SLC25A52: variants seen among roughly 807,000 people sequenced by gnomAD.
SLC25A52 encodes the protein solute carrier family 25 member 52, also known as mitochondrial nicotinamide adenine dinucleotide transporter SLC25A52.
In SLC25A52, 12 loss-of-function variants were observed where a neutral mutation model predicts 17.7. The ratio of observed to expected loss-of-function variants is 0.68; its 90% CI spans 0.43 to 1.10. SLC25A52 has a LOEUF of 1.10. Among genes scored for constraint, SLC25A52 ranks in the 50% least tolerant of loss-of-function variants. SLC25A52 has a pLI of 0.00. For synonymous variants in SLC25A52, 108 were observed against 135.1 expected (o/e 0.80, Z 1.39); for missense variants, 298 against 364.9 (o/e 0.82, Z 1.49).
rs1598549532 is a variant in SLC25A52, at chr18:31,760,861, C to T, written c.-200G>A. Reference sequence around the variant, plus strand: ...CGTCCATTTCCCCAACCCATCGCCGCCGGCGCCCCGCAGGACTGCGAGCAA... The same window carrying T: ...CGTCCATTTCCCCAACCCATCGCCGTCGGCGCCCCGCAGGACTGCGAGCAA... On this transcript the variant is annotated 5_prime_UTR_variant, in exon 1 of 1. Transcript: ENST00000269205. 2.4e-6 allele frequency: 2 copies of T among 825,272 alleles called. No homozygotes were observed. The highest frequency in any genetic ancestry group is 5.5e-5 in the East Asian group (2 of 36,370). 51.1% of individuals were successfully genotyped at this position (825,272 alleles called of 1,614,324 possible).
Position 31,760,291 on chromosome 18 carries a change from G to A in SLC25A52, c.371C>T (p.Ala124Val). 5.6e-6 allele frequency: 9 copies of A among 1,614,000 alleles called. No homozygotes were observed. Among genetic ancestry groups the A allele is most frequent in the Non-Finnish European group, 7.6e-6 (9 of 1,179,896 alleles). The change falls in exon 1 of 1, where the codon GCG (alanine) becomes GTG (valine). Residue 124 changes from alanine to valine, a missense_variant. Coordinates refer to ENST00000269205, the MANE Select transcript of SLC25A52 (RefSeq NM_001034172.4). Reference sequence around the variant, plus strand: ...TTCTGCTGTCCCTGCAAGCACTGCCGCCACGCCATGGGTTGCAAACTCTGG... The same window carrying A: ...TTCTGCTGTCCCTGCAAGCACTGCCACCACGCCATGGGTTGCAAACTCTGG... ...RAPEFATHGV[A>V]AVLAGTAEAI...
Position 31,760,731 on chromosome 18 carries a change from G to C in SLC25A52, c.-70C>G. On this transcript the variant is annotated 5_prime_UTR_variant, in exon 1 of 1. Transcript: ENST00000269205. Reference sequence around the variant, plus strand: ...CATCATCTGAGCCTGGAGTTTGGCAGGATGATAGCTTTGTGATAATGTTCC... The same window carrying C: ...CATCATCTGAGCCTGGAGTTTGGCACGATGATAGCTTTGTGATAATGTTCC... 1 of 1,510,332 alleles carries C rather than the reference G, an allele frequency of 6.6e-7. No homozygotes were observed. Among genetic ancestry groups the C allele is most frequent in the Non-Finnish European group, 8.9e-7 (1 of 1,125,592 alleles). 93.6% of individuals were successfully genotyped at this position (1,510,332 alleles called of 1,614,324 possible).
In SLC25A52 at chr18:31,760,297, C is replaced by G; in HGVS notation, c.365G>C (p.Gly122Ala). 6.2e-7 allele frequency: 1 copy of G among 1,614,030 alleles called. No individual in the cohort carries two copies. Among genetic ancestry groups the G allele is most frequent in the Non-Finnish European group, 8.5e-7 (1 of 1,179,904 alleles). Residue 122 changes from glycine to alanine, a missense_variant, in exon 1 of 1, where the codon GGC becomes GCC. Gly to Ala is a moderately conservative substitution (Grantham distance 60). Coordinates refer to ENST00000269205, the MANE Select transcript of SLC25A52 (RefSeq NM_001034172.4). ...TGTCCCTGCAAGCACTGCCGCCACGCCATGGGTTGCAAACTCTGGAGCACG... is the reference window on the plus strand; with the variant it reads ...TGTCCCTGCAAGCACTGCCGCCACGGCATGGGTTGCAAACTCTGGAGCACG... ...HVRAPEFATH[G>A]VAAVLAGTAE...
rs117913815 is a variant in SLC25A52, at chr18:31,759,659, T to C, written c.*109A>G. The C allele has an allele frequency of 6.3e-3, 8,112 of 1,294,700 alleles. 40 individuals carry two copies. The highest frequency in any genetic ancestry group is 7.4e-3 in the Non-Finnish European group (7,015 of 944,690). The allele number at this position is 1,294,700 out of a possible 1,614,324, so 80.2% of individuals were successfully genotyped here. On this transcript the variant is annotated 3_prime_UTR_variant, in exon 1 of 1. Transcript: ENST00000269205. ...GCTTTGCCCGTAACTCACTGTGGCC[T>C]GGAGTTATGACACGAACTTGTATTT...
Position 31,760,163 on chromosome 18 carries a change from G to A in SLC25A52, c.499C>T (p.His167Tyr), listed in dbSNP as rs1158320198. Residue 167 changes from histidine (H) to tyrosine (Y), a missense_variant, in exon 1 of 1, where the codon CAT becomes TAT. By Grantham distance (83) the His-to-Tyr change is moderately conservative. Transcript: ENST00000269205. ...TYQAFKALKC[H>Y]GIGEYYRGLV... ...CCTCGATAATACTCTCCAATTCCAT[G>A]ACATTTCAGTGCCTTGAAAGCCTGA... is the stretch of plus-strand genomic sequence containing the variant. 5 of 1,613,880 alleles carry A rather than the reference G, an allele frequency of 3.1e-6. No individual in the cohort carries two copies. The East Asian group carries it at 1.1e-4, about 36-fold the overall frequency.
rs759341233 is a variant in SLC25A52, at chr18:31,760,253, G to C, written c.409C>G (p.Pro137Ala). Residue 137 changes from proline (P) to alanine (A), a missense_variant, in exon 1 of 1, where the codon CCA becomes GCA. Transcript: ENST00000269205. Reference protein sequence around the residue: ...LAGTAEAIFTPLERVQTLLQN... With the variant: ...LAGTAEAIFTALERVQTLLQN... ...AGCAATGTCTGAACTCTTTCCAGTG[G>C]AGTGAAAATTGCTTCTGCTGTCCCT... 3 of 1,613,864 alleles carry C rather than the reference G, an allele frequency of 1.9e-6. No individual in the cohort carries two copies. Among genetic ancestry groups the C allele is most frequent in the African/African-American group, 1.3e-5 (1 of 74,916 alleles).
rs760485782 is a variant in SLC25A52 at position 31,760,103 on chromosome 18, T to G, written c.559A>C (p.Asn187His). Residue 187 changes from asparagine to histidine, a missense_variant, in exon 1 of 1, where the codon AAT becomes CAT. By Grantham distance (68) the Asn-to-His change is moderately conservative. Transcript: ENST00000269205. ...VPILFRNGLS[N>H]VLFFGLRGPI... Reference sequence around the variant, plus strand: ...CCTCGAAGGCCGAAAAACAAGACATTGCTGAGTCCATTCCGGAAAAGAATG... The same window carrying G: ...CCTCGAAGGCCGAAAAACAAGACATGGCTGAGTCCATTCCGGAAAAGAATG... The G allele has an allele frequency of 1.4e-5, 22 of 1,612,194 alleles. No individual in the cohort carries two copies. The highest frequency in any genetic ancestry group is 2.1e-4 in the Middle Eastern group (1 of 4,704).
rs368680767 is a variant in SLC25A52 at position 31,760,651 on chromosome 18, G to A, written c.11C>T (p.Ser4Leu). The change falls in exon 1 of 1, where the codon TCA becomes TTA. Residue 4 changes from serine (S) to leucine (L), a missense_variant. Coordinates refer to ENST00000269205, the MANE Select transcript of SLC25A52 (RefSeq NM_001034172.4). ...TGGTGGCCTCTTTTCATGAGCTTCT[G>A]AATCTATCATGTTGCTTAAGATCTT... MIDSEAHEKRPPIL... is the reference protein window; with the variant it reads MIDLEAHEKRPPIL... The A allele has an allele frequency of 1.2e-6, 2 of 1,607,358 alleles. No homozygotes were observed. Among genetic ancestry groups the A allele is most frequent in the African/African-American group, 2.7e-5 (2 of 74,378 alleles).
chr18:31,760,412 T>C lies in SLC25A52; in HGVS notation c.250A>G (p.Ile84Val), dbSNP rs747072457. 1 of 1,614,200 alleles carries C rather than the reference T, an allele frequency of 6.2e-7. No homozygotes were observed. The highest frequency in any genetic ancestry group is 1.7e-5 in the Admixed American group (1 of 60,026). The change falls in exon 1 of 1, where the codon ATC becomes GTC. Residue 84 changes from isoleucine to valine, a missense_variant. Transcript: ENST00000269205. ...GTCTTCTGCATCAATGGGGGAAGGATTCCACGATACAAATTTCGAAATCCA... is the reference window on the plus strand; with the variant it reads ...GTCTTCTGCATCAATGGGGGAAGGACTCCACGATACAAATTTCGAAATCCA... ...RDGFRNLYRG[I>V]LPPLMQKTTT...
At position 31,760,491 on chromosome 18, in the gene SLC25A52, C is replaced by T. The variant is rs2031493875; in HGVS notation, c.171G>A (p.Arg57=). 1 of 1,614,208 alleles carries T rather than the reference C, an allele frequency of 6.2e-7. No individual in the cohort carries two copies. Among genetic ancestry groups the T allele is most frequent in the Non-Finnish European group, 8.5e-7 (1 of 1,180,042 alleles). ...GGGTTTTGATGCCATACAGCTGTTG[C>T]CGAAAGAGGACCTTCTGAATGGGAT... ...ITYPIQKVLF[R]QQLYGIKTRD... is the part of the protein sequence containing the mutation. Residue 57 remains arginine, a synonymous_variant, in exon 1 of 1, where the codon CGG becomes CGA. Transcript: ENST00000269205.
At position 31,760,589 on chromosome 18, in the gene SLC25A52, T is replaced by C. The variant is rs1568006808; in HGVS notation, c.73A>G (p.Ile25Val). Reference sequence around the variant, plus strand: ...TGCTTCATTTCACCAACATTTGTAATATGAGGTGATATATCTTGTTTTGAA... The same window carrying C: ...TGCTTCATTTCACCAACATTTGTAACATGAGGTGATATATCTTGTTTTGAA... Reference protein sequence around the residue: ...TSSKQDISPHITNVGEMKHYL... With the variant: ...TSSKQDISPHVTNVGEMKHYL... Residue 25 changes from isoleucine to valine, a missense_variant, in exon 1 of 1, where the codon ATT becomes GTT. Physicochemically the swap from Ile to Val is conservative, Grantham distance 29. Coordinates refer to ENST00000269205, the MANE Select transcript of SLC25A52 (RefSeq NM_001034172.4). 9.9e-6 allele frequency: 16 copies of C among 1,614,142 alleles called. No homozygotes were observed. The highest frequency in any genetic ancestry group is 1.4e-5 in the Non-Finnish European group (16 of 1,179,984).
Position 31,760,053 on chromosome 18 carries a change from G to T in SLC25A52, c.609C>A (p.Thr203=). 1 of 1,611,926 alleles carries T rather than the reference G, an allele frequency of 6.2e-7. No homozygotes were observed. Among genetic ancestry groups the T allele is most frequent in the Non-Finnish European group, 8.5e-7 (1 of 1,179,854 alleles). Residue 203 remains threonine, a synonymous_variant, in exon 1 of 1, where the codon ACC becomes ACA. Coordinates refer to ENST00000269205, the MANE Select transcript of SLC25A52 (RefSeq NM_001034172.4). Reference sequence around the variant, plus strand: ...CCAAATGAGCACTGTGAGTCGTTGCGGTAGGCAGATGCTCCTTAATGGGAC... The same window carrying T: ...CCAAATGAGCACTGTGAGTCGTTGCTGTAGGCAGATGCTCCTTAATGGGAC... ...LRGPIKEHLP[T]ATTHSAHLVN... is the part of the protein sequence containing the mutation.
At position 31,760,424 on chromosome 18, in the gene SLC25A52, A is replaced by G; in HGVS notation, c.238T>C (p.Leu80=). The change falls in exon 1 of 1, where the codon TTG becomes CTG. Residue 80 remains leucine, a synonymous_variant. Coordinates refer to ENST00000269205, the MANE Select transcript of SLC25A52 (RefSeq NM_001034172.4). The part of the protein sequence containing the change: ...LQLRRDGFRN[L]YRGILPPLMQ... ...AATGGGGGAAGGATTCCACGATACA[A>G]ATTTCGAAATCCATCCCTTCTCAAC... is the stretch of plus-strand genomic sequence containing the variant. 2 of 1,614,214 alleles carry G rather than the reference A, an allele frequency of 1.2e-6. No individual in the cohort carries two copies. Among genetic ancestry groups the G allele is most frequent in the Middle Eastern group, 1.6e-4 (1 of 6,062 alleles).
Position 31,760,053 on chromosome 18 carries a change from G to C in SLC25A52, c.609C>G (p.Thr203=). ...LRGPIKEHLP[T]ATTHSAHLVN... ...CCAAATGAGCACTGTGAGTCGTTGC[G>C]GTAGGCAGATGCTCCTTAATGGGAC... Residue 203 remains threonine (T), a synonymous_variant, in exon 1 of 1, where the codon ACC becomes ACG. Coordinates refer to ENST00000269205, the MANE Select transcript of SLC25A52 (RefSeq NM_001034172.4). 6.2e-7 allele frequency: 1 copy of C among 1,611,926 alleles called. No homozygotes were observed. The highest frequency in any genetic ancestry group is 2.2e-5 in the East Asian group (1 of 44,882).
In SLC25A52 at chr18:31,759,648, T is replaced by A; in HGVS notation, c.*120A>T. On this transcript the variant is annotated 3_prime_UTR_variant, in exon 1 of 1. Transcript: ENST00000269205. Reference sequence around the variant, plus strand: ...TAAGGAAAACAGCTTTGCCCGTAACTCACTGTGGCCTGGAGTTATGACACG... The same window carrying A: ...TAAGGAAAACAGCTTTGCCCGTAACACACTGTGGCCTGGAGTTATGACACG... 1 of 1,176,444 alleles carries A rather than the reference T, an allele frequency of 8.5e-7. No individual in the cohort carries two copies. The highest frequency in any genetic ancestry group is 1.2e-6 in the Non-Finnish European group (1 of 844,308). 72.9% of individuals were successfully genotyped at this position (1,176,444 alleles called of 1,614,324 possible).
Position 31,760,753 on chromosome 18 carries a change from T to G in SLC25A52, c.-92A>C. 6.9e-7 allele frequency: 1 copy of G among 1,448,420 alleles called. No individual in the cohort carries two copies. Among genetic ancestry groups the G allele is most frequent in the African/African-American group, 1.4e-5 (1 of 70,254 alleles). The allele number at this position is 1,448,420 out of a possible 1,614,324, so 89.7% of individuals were successfully genotyped here. A position where few individuals can be genotyped will look rare whatever the true frequency, so the allele number is the denominator to read the frequency against. On this transcript the variant is annotated 5_prime_UTR_variant, in exon 1 of 1. Coordinates refer to ENST00000269205, the MANE Select transcript of SLC25A52 (RefSeq NM_001034172.4). Reference sequence around the variant, plus strand: ...GCAGGATGATAGCTTTGTGATAATGTTCCCAATTTCTTCCATTGTTATTGT... The same window carrying G: ...GCAGGATGATAGCTTTGTGATAATGGTCCCAATTTCTTCCATTGTTATTGT...
rs909613592 is a variant in SLC25A52 at position 31,760,385 on chromosome 18, T to G, written c.277A>C (p.Thr93Pro). 5 of 1,614,088 alleles carry G rather than the reference T, an allele frequency of 3.1e-6. No individual in the cohort carries two copies. Among genetic ancestry groups the G allele is most frequent in the Non-Finnish European group, 4.2e-6 (5 of 1,180,052 alleles). The change falls in exon 1 of 1, where the codon ACT (threonine) becomes CCT (proline). Residue 93 changes from threonine (T) to proline (P), a missense_variant. Coordinates refer to ENST00000269205, the MANE Select transcript of SLC25A52 (RefSeq NM_001034172.4). ...GILPPLMQKT[T>P]TLALMFGLYE... ...AGACCAAACATAAGTGCAAGCGTAG[T>G]TGTCTTCTGCATCAATGGGGGAAGG...
At position 31,760,856 on chromosome 18, in the gene SLC25A52, C is replaced by G; in HGVS notation, c.-195G>C. 1.2e-6 allele frequency: 1 copy of G among 837,550 alleles called. No homozygotes were observed. Among genetic ancestry groups the G allele is most frequent in the South Asian group, 1.9e-5 (1 of 51,832 alleles). 51.9% of individuals were successfully genotyped at this position (837,550 alleles called of 1,614,324 possible). A position where few individuals can be genotyped will look rare whatever the true frequency, so the allele number is the denominator to read the frequency against. On this transcript the variant is annotated 5_prime_UTR_variant, in exon 1 of 1. Transcript: ENST00000269205. ...CCAGGCGTCCATTTCCCCAACCCAT[C>G]GCCGCCGGCGCCCCGCAGGACTGCG...
At position 31,760,861 on chromosome 18, in the gene SLC25A52, C is replaced by A; in HGVS notation, c.-200G>T. 2.4e-6 allele frequency: 2 copies of A among 825,390 alleles called. No homozygotes were observed. Among genetic ancestry groups the A allele is most frequent in the Non-Finnish European group, 1.9e-6 (1 of 537,942 alleles). The allele number at this position is 825,390 out of a possible 1,614,324, so 51.1% of individuals were successfully genotyped here. ...CGTCCATTTCCCCAACCCATCGCCG[C>A]CGGCGCCCCGCAGGACTGCGAGCAA... On this transcript the variant is annotated 5_prime_UTR_variant, in exon 1 of 1. Coordinates refer to ENST00000269205, the MANE Select transcript of SLC25A52 (RefSeq NM_001034172.4).
Sources: gnomAD v4.1 joint callset for allele counts on GRCh38, gnomAD v4.1.1 for gene constraint, MANE v1.5 for transcripts, NCBI Gene and HGNC (gene_info 2026-07-23, HGNC 2026-07-21) for gene names.